DGKZ: variants seen among roughly 807,000 people sequenced by gnomAD.
DGKZ encodes the protein DAG kinase zeta.
Under a neutral mutation model 142.5 loss-of-function variants are expected in DGKZ, and 45 were observed. The observed-to-expected ratio is 0.32, with a 90% confidence interval of 0.25 to 0.40. DGKZ has a LOEUF of 0.40. DGKZ is among the 10% of genes least tolerant of loss of function. DGKZ has a pLI of 1.00. For synonymous variants in DGKZ, 442 were observed against 527.0 expected (o/e 0.84, Z 2.21); for missense variants, 755 against 1,306.5 (o/e 0.58, Z 6.51).
In DGKZ at chr11:46,372,947, G is replaced by T; in HGVS notation, c.1186-14G>T. Reference sequence around the variant, plus strand: ...TCCAGCCACAGAGGGCTCAGTCCCTGCCTGCTCCCCCAGGGCTACACAGAT... The same window carrying T: ...TCCAGCCACAGAGGGCTCAGTCCCTTCCTGCTCCCCCAGGGCTACACAGAT... On this transcript the variant is annotated splice_polypyrimidine_tract_variant and intron_variant, in intron 13 of 30. Transcript: ENST00000527911. The surrounding 1 kb of genome is among the most constrained non-coding windows in gnomAD (Gnocchi z 5.9). 2 of 1,551,224 alleles carry T rather than the reference G, an allele frequency of 1.3e-6. No homozygotes were observed. Among genetic ancestry groups the T allele is most frequent in the Non-Finnish European group, 1.7e-6 (2 of 1,146,576 alleles).
upstream of DGKZ, among the ~76,000 whole-genome samples, chr11:46,343,033 A>G (rs1940352474): frequency 6.6e-6 from 1 of 152,160 alleles, no homozygotes; most frequent in South Asian, 2.1e-4. Flanking sequence ...TTGAGGCACA[A>G]GAATCGCTTG....
In DGKZ at chr11:46,367,797, G is replaced by T. The variant is rs1332617338; in HGVS notation, c.366+50G>T. On this transcript the variant is annotated intron_variant, in intron 3 of 30. Transcript: ENST00000527911. The surrounding 1 kb of genome is among the most constrained non-coding windows in gnomAD (Gnocchi z 4.1). ...CCCCCTGCTGGTGGAGCCAGTAGCC[G>T]CAGCCCTTCCGGGAACGTGGGATTG... 5 of 1,605,326 alleles carry T rather than the reference G, an allele frequency of 3.1e-6. No homozygotes were observed. The highest frequency in any genetic ancestry group is 1.1e-5 in the South Asian group (1 of 90,808).
upstream of DGKZ, among the ~76,000 whole-genome samples, chr11:46,344,187 T>A (rs574180211): frequency 3.3e-4 from 50 of 152,106 alleles, no homozygotes; most frequent in African/African-American, 1.2e-3. Context: ...TGACCTCAAG[T>A]AACCCACCAG....
At chr11:46,346,516 G>T (rs1158036908), upstream of DGKZ, among the ~76,000 whole-genome samples, 1 of 152,204 alleles carries the variant, frequency 6.6e-6, no homozygotes. Context: ...GCATTGTGGG[G>T]TGTCTTTGTG....
chr11:46,365,726 G>T (rs2136456113), intron 1 of DGKZ: 1 of 985,448 alleles, frequency 1.0e-6, no homozygotes, highest in Non-Finnish European at 1.2e-6. Flanking sequence ...CATGTCCCAT[G>T]AGGGGACACC....
At chr11:46,366,666 G>T (rs937297890) in intron 1 of DGKZ, 6 of 1,592,028 alleles carry the variant, frequency 3.8e-6, no homozygotes, top group Non-Finnish European at 5.1e-6. Context: ...ATCCAGCCAG[G>T]CACCAAGACA....
upstream of DGKZ, among the ~76,000 whole-genome samples, chr11:46,342,972 A>G (rs1401000824): frequency 6.6e-6 from 1 of 152,092 alleles, no homozygotes; most frequent in Non-Finnish European, 1.5e-5. Context: ...AAAAATACAA[A>G]AATTAGCTGG....
exon 18 of DGKZ, chr11:46,374,766 T>C: frequency 6.2e-7 from 1 of 1,612,264 alleles, no homozygotes; most frequent in Non-Finnish European, 8.5e-7. Context: ...CCGCCTCCAG[T>C]GTGATGGAAT....
intron 1 of DGKZ, chr11:46,364,512 G>T (rs1943043740): frequency 2.5e-6 from 3 of 1,216,498 alleles, no homozygotes; most frequent in Admixed American, 6.0e-5. Flanking sequence ...TAAGAGCACT[G>T]CCCTGACCTC....
In DGKZ at chr11:46,372,179, G is replaced by T. The variant is rs373611263; in HGVS notation, c.927+9G>T. On this transcript the variant is annotated intron_variant, in intron 10 of 30. Transcript: ENST00000527911. The surrounding 1 kb of genome is among the most constrained non-coding windows in gnomAD (Gnocchi z 5.9). ...AGAGTGGGGGCAACCAGGTGAACGC[G>T]GCCTTGCCTCTCAGCTAAGGGCTCG... The T allele has an allele frequency of 7.6e-5, 122 of 1,599,074 alleles. No individual in the cohort carries two copies. The African/African-American group carries it at 1.3e-3, about 18-fold the overall frequency.
intron 1 of DGKZ, among the ~76,000 whole-genome samples, chr11:46,337,494 C>T (rs1490424048): frequency 1.3e-5 from 2 of 151,854 alleles, no homozygotes; most frequent in African/African-American, 4.8e-5. Context: ...CGGGGTTTCG[C>T]CATGTTGGCC....
chr11:46,354,087 G>T (rs1435671753), intron 1 of DGKZ, among the ~76,000 whole-genome samples: 1 of 152,234 alleles, frequency 6.6e-6, no homozygotes, highest in African/African-American at 2.4e-5. Context: ...ATCCCCTTGG[G>T]GGAGACCTTC....
At chr11:46,334,906 G>T (rs996576754) in intron 1 of DGKZ, among the ~76,000 whole-genome samples, 1 of 152,184 alleles carries the variant, frequency 6.6e-6, no homozygotes, top group Admixed American at 6.5e-5. Flanking sequence ...TCTCAATTCT[G>T]CCAGAGACTT....
At chr11:46,333,407 G>A (rs1409130618) in exon 1 of DGKZ, 2 of 1,509,900 alleles carry the variant, frequency 1.3e-6, no homozygotes, top group African/African-American at 1.4e-5. Flanking sequence ...CCTGGCCCGA[G>A]GGTTCCCGGG....
rs1944479088 is a variant in DGKZ at position 46,375,962 on chromosome 11, T to G, written c.2011+11T>G. On this transcript the variant is annotated intron_variant, in intron 21 of 30. Coordinates refer to ENST00000527911, the Ensembl canonical transcript of DGKZ. ...AGCTCAAGGAGGCCTGTGAGTGCGG[T>G]GGGGCGGCCTGGCAGGGTGGCCAGG... 1.2e-6 allele frequency: 2 copies of G among 1,610,724 alleles called. No homozygotes were observed. The highest frequency in any genetic ancestry group is 1.3e-5 in the African/African-American group (1 of 74,938).
chr11:46,374,840 G>C lies in DGKZ; in HGVS notation c.1598+1G>C. 6.3e-7 allele frequency: 1 copy of C among 1,589,480 alleles called. No individual in the cohort carries two copies. Among genetic ancestry groups the C allele is most frequent in the Non-Finnish European group, 8.6e-7 (1 of 1,163,962 alleles). ...GTGTTGTTTTCCTGAACATCCCCAGGTGAGGAGGGGGCTACCGGAGCTGGG... is the reference window on the plus strand; with the variant it reads ...GTGTTGTTTTCCTGAACATCCCCAGCTGAGGAGGGGGCTACCGGAGCTGGG... On this transcript the variant is annotated splice_donor_variant, in intron 18 of 30. Transcript: ENST00000527911. LOFTEE classifies it high-confidence loss of function.
chr11:46,336,371 G>A (rs1940017364), intron 1 of DGKZ, among the ~76,000 whole-genome samples: 1 of 152,170 alleles, frequency 6.6e-6, no homozygotes, highest in African/African-American at 2.4e-5. Flanking sequence ...GGCAAGGGAA[G>A]AACTTCAATG....
chr11:46,374,066 A>T, intron 14 of DGKZ, 91 bp from the exon 15 acceptor site: 1 of 1,401,614 alleles, frequency 7.1e-7, no homozygotes, highest in South Asian at 1.2e-5. Context: ...CTGTGAACAG[A>T]TGGGCTGAGC....
chr11:46,354,253 C>T (rs1941744538), intron 1 of DGKZ, among the ~76,000 whole-genome samples: 1 of 152,234 alleles, frequency 6.6e-6, no homozygotes, highest in Admixed American at 6.5e-5. Flanking sequence ...GTGGCACAAT[C>T]ATAGCTCACT....
Sources: allele counts gnomAD v4.1 joint callset (sites outside exome capture counted in the v4.1 genomes callset), GRCh38; gene constraint gnomAD v4.1.1; non-coding constraint Gnocchi (gnomAD v3.1); transcripts MANE v1.5; gene names NCBI Gene and HGNC (gene_info 2026-07-23, HGNC 2026-07-21).